Variants in E2F7 observed in about 807,000 individuals in gnomAD.
E2F7 encodes the protein E2F transcription factor 7.
In E2F7, 35 loss-of-function variants were observed where a neutral mutation model predicts 81.1. The observed-to-expected ratio is 0.43, with a 90% confidence interval of 0.33 to 0.57. The LOEUF is 0.57. Ranked by LOEUF, E2F7 falls within the 20% of genes least tolerant of loss-of-function variation. The pLI is 0.04. For synonymous variants in E2F7, 416 were observed against 416.2 expected, an observed-to-expected ratio of 1.00 and a Z score of 0.01; for missense variants, 961 against 1,093.7, an observed-to-expected ratio of 0.88 and a Z score of 1.71.
chr12:77,038,321 CTG>C (rs1300670054), intron 7 of E2F7, among the ~76,000 whole-genome samples: 1 of 152,104 alleles, frequency 6.6e-6, no homozygotes, highest in Non-Finnish European at 1.5e-5. Flanking sequence ...AATATATACT[CTG>C]TATATTTGTG....
chr12:77,045,684 G>A (rs1004346817), intron 5 of E2F7: 1 of 214,450 alleles, frequency 4.7e-6, no homozygotes. Flanking sequence ...GTCTACTCCA[G>A]TATATAATTA....
chr12:77,024,154 T>G lies in E2F7; in HGVS notation c.2597A>C (p.Gln866Pro). Residue 866 changes from glutamine to proline, a missense_variant, in exon 13 of 13, where the codon CAA becomes CCA. Gln to Pro is a moderately conservative substitution (Grantham distance 76). Around this residue, in one of 3 missense-constraint regions of E2F7, gnomAD observed 587 missense variants for 620.3 expected, o/e 0.95. Transcript: ENST00000322886. ...SPVPVTPKSI[Q>P]RTHRETFFKT... ...GAAAAACGTCTCACGATGTGTGCGTTGGATGCTCTTGGGGGTCACTGGAAC... is the reference window on the plus strand; with the variant it reads ...GAAAAACGTCTCACGATGTGTGCGTGGGATGCTCTTGGGGGTCACTGGAAC... The G allele has an allele frequency of 3.1e-6, 5 of 1,614,016 alleles. No individual in the cohort carries two copies. The highest frequency in any genetic ancestry group is 4.2e-6 in the Non-Finnish European group (5 of 1,179,984).
chr12:77,057,985 T>C (rs1955047644), intron 2 of E2F7, among the ~76,000 whole-genome samples: 2 of 152,184 alleles, frequency 1.3e-5, no homozygotes, highest in Admixed American at 6.5e-5. Context: ...TGGGAGAAAC[T>C]GGAGTTTGTG....
Position 77,025,711 on chromosome 12 carries a change from T to C in E2F7, c.2412A>G (p.Pro804=), listed in dbSNP as rs779003146. Residue 804 remains proline, a synonymous_variant, in exon 12 of 13, where the codon CCA becomes CCG. Coordinates refer to ENST00000322886, the MANE Select transcript of E2F7 (RefSeq NM_203394.3). The part of the protein sequence containing the change: ...LLVGPTAVVN[P]KSSTLPSADP... ...CTGCAGAAGGGAGTGTGGACGACTT[T>C]GGATTAACCACAGCTGTGGGGCCGA... is the stretch of plus-strand genomic sequence containing the variant. 3 of 1,614,040 alleles carry C rather than the reference T, an allele frequency of 1.9e-6. No individual in the cohort carries two copies. Among genetic ancestry groups the C allele is most frequent in the South Asian group, 1.1e-5 (1 of 91,080 alleles).
At chr12:77,050,085 C>G (rs1954974463) in intron 4 of E2F7, among the ~76,000 whole-genome samples, 1 of 151,964 alleles carries the variant, frequency 6.6e-6, no homozygotes, top group African/African-American at 2.4e-5. Context: ...TGAGTTATGT[C>G]CAAATGACCT....
chr12:77,037,579 A>G (rs1954862553), intron 7 of E2F7, among the ~76,000 whole-genome samples: 1 of 152,268 alleles, frequency 6.6e-6, no homozygotes. Flanking sequence ...GTAGTATACT[A>G]TCACTTGAAA....
At chr12:77,048,178 T>C (rs375569328) in intron 4 of E2F7, among the ~76,000 whole-genome samples, 10 of 152,360 alleles carry the variant, frequency 6.6e-5, no homozygotes, top group East Asian at 3.9e-4. Context: ...CTCTTTCATC[T>C]GAACTGAGTT....
At chr12:77,027,232 A>C (rs1174645755) in intron 11 of E2F7, among the ~76,000 whole-genome samples, 1 of 152,230 alleles carries the variant, frequency 6.6e-6, no homozygotes, top group African/African-American at 2.4e-5. Flanking sequence ...TTTATGTACA[A>C]AGTACATATT....
intron 7 of E2F7, among the ~76,000 whole-genome samples, chr12:77,035,517 G>C (rs1802133501): frequency 6.6e-6 from 1 of 152,232 alleles, no homozygotes; most frequent in South Asian, 2.1e-4. Flanking sequence ...CCAGTAATGG[G>C]GAAAACGTAC....
In E2F7 at chr12:77,030,107, C is replaced by T; in HGVS notation, c.1608G>A (p.Leu536=). The change falls in exon 10 of 13, where the codon CTG becomes CTA. Residue 536 remains leucine, a synonymous_variant. Transcript: ENST00000322886. The stretch of plus-strand genomic sequence containing the variant: ...GCTGGCCAGCAAGGAGTGCTGGCTT[C>T]AGGCTCTCCACAGCAGAGGCTGCAG... The part of the protein sequence containing the change: ...LASAASAVES[L]KPALLAGQPL... The T allele has an allele frequency of 1.9e-6, 3 of 1,614,222 alleles. No homozygotes were observed. Among genetic ancestry groups the T allele is most frequent in the Non-Finnish European group, 1.7e-6 (2 of 1,180,044 alleles).
intron 1 of E2F7, among the ~76,000 whole-genome samples, chr12:77,065,003 A>G (rs1334548055): frequency 6.6e-6 from 1 of 152,218 alleles, no homozygotes. Context: ...ACTGAGAGGA[A>G]TTCGGCTTTG....
At chr12:77,064,125 G>A (rs1317401943) in intron 2 of E2F7, among the ~76,000 whole-genome samples, 2 of 152,190 alleles carry the variant, frequency 1.3e-5, no homozygotes, top group African/African-American at 2.4e-5. Context: ...AACAGTCTCT[G>A]GGAGCTAGTT....
At chr12:77,028,165 G>C (rs1356367909) in intron 10 of E2F7, 27 bp from the exon 11 acceptor site, 1 of 1,583,528 alleles carries the variant, frequency 6.3e-7, no homozygotes, top group Admixed American at 1.9e-5. Flanking sequence ...CAGGAAGCAA[G>C]AAAGTAAGTT....
chr12:77,042,026 T>C (rs1337465277), intron 7 of E2F7, among the ~76,000 whole-genome samples: 2 of 152,176 alleles, frequency 1.3e-5, no homozygotes, highest in African/African-American at 4.8e-5. Context: ...GAAAACTTCA[T>C]AGAGGAGTTG....
rs962712153 is a variant in E2F7 at position 77,065,564 on chromosome 12, G to C, written c.-220C>G. The C allele has an allele frequency of 6.6e-6, 1 of 152,428 alleles. No individual in the cohort carries two copies. Among genetic ancestry groups the C allele is most frequent in the East Asian group, 1.9e-4 (1 of 5,146 alleles). 9.4% of individuals were successfully genotyped at this position (152,428 alleles called of 1,614,324 possible). On this transcript the variant is annotated 5_prime_UTR_variant, in exon 1 of 13. Transcript: ENST00000322886. ...GCCGAGCGCAACTCCAGCCTGGATC[G>C]TAGTCCCCGCTAAAACACCTCCTCT...
chr12:77,064,639 T>C lies in E2F7; in HGVS notation c.1-4A>G. 1.9e-6 allele frequency: 3 copies of C among 1,612,192 alleles called. No homozygotes were observed. The highest frequency in any genetic ancestry group is 2.5e-6 in the Non-Finnish European group (3 of 1,178,902). ...GTGTTAAACAATTTACCTCCATCTG[T>C]AATGCACAATTACACTAGAAAATGA... On this transcript the variant is annotated splice_region_variant and splice_polypyrimidine_tract_variant and intron_variant, in intron 1 of 12. Transcript: ENST00000322886.
At chr12:77,029,605 T>A (rs1356499228) in intron 10 of E2F7, among the ~76,000 whole-genome samples, 2 of 152,026 alleles carry the variant, frequency 1.3e-5, no homozygotes, top group Non-Finnish European at 2.9e-5. Context: ...TTCTTTATAC[T>A]TTTTAGCATT....
At chr12:77,044,585 T>A in intron 6 of E2F7, 52 bp downstream of exon 6, 1 of 1,585,440 alleles carries the variant, frequency 6.3e-7, no homozygotes, top group Non-Finnish European at 8.6e-7. Context: ...TATCAACACA[T>A]GAAATCCCAC....
chr12:77,024,321 T>G, intron 12 of E2F7, 136 bp from the exon 13 acceptor site: 2 of 936,320 alleles, frequency 2.1e-6, no homozygotes, highest in Non-Finnish European at 3.1e-6. Flanking sequence ...CTTATCACAC[T>G]TACCCCGTTT....
Sources: gnomAD v4.1 joint callset for allele counts (sites outside exome capture counted in the v4.1 genomes callset) on GRCh38, gnomAD v4.1.1 for gene constraint, gnomAD v4.1.1 regional missense constraint, MANE v1.5 for transcripts, NCBI Gene and HGNC (gene_info 2026-07-23, HGNC 2026-07-21) for gene names.